The following SRPX variants were observed in gnomAD, a reference collection of about 807,000 sequenced individuals.
SRPX encodes sushi repeat-containing protein SRPX.
Under a neutral mutation model 38.1 loss-of-function variants are expected in SRPX, and 24 were observed. The observed-to-expected ratio is 0.63, with a 90% CI of 0.46 to 0.89. The LOEUF is 0.89. SRPX is among the 40% of genes least tolerant of loss of function. The probability of loss-of-function intolerance (pLI) is 0.00; values close to 1 mark genes in which losing one functional copy is unlikely to be tolerated. For synonymous variants in SRPX, 184 were observed against 153.8 expected, an observed-to-expected ratio of 1.20 and a Z score of -1.45; for missense variants, 416 against 377.8, an observed-to-expected ratio of 1.10 and a Z score of -0.84.
intron 1 of SRPX, among the ~76,000 whole-genome samples, chrX:38,206,939 A>C (rs181578397): frequency 3.1e-3 from 353 of 112,283 alleles, no homozygotes; most frequent in African/African-American, 0.011. Flanking sequence ...TCCCTGCCAG[A>C]CATGAGCTCT....
At position 38,171,983 on chromosome X, in the gene SRPX, G is replaced by A. The variant is rs746029665; in HGVS notation, c.424C>T (p.Arg142Trp). Residue 142 changes from arginine (R) to tryptophan (W), a missense_variant, in exon 4 of 10, where the codon CGG (arginine) becomes TGG (tryptophan). Physicochemically the swap from Arg to Trp is moderately radical, Grantham distance 101. Coordinates refer to ENST00000378533, the MANE Select transcript of SRPX (RefSeq NM_006307.5). ...CCTGGTGAACAATAATACTCACACCGGGAGTTAAAGTAGGCACCATCTACA... is the reference window on the plus strand; with the variant it reads ...CCTGGTGAACAATAATACTCACACCAGGAGTTAAAGTAGGCACCATCTACA... ...KCVDGAYFNSRCEYYCSPGYT... is the reference protein window; with the variant it reads ...KCVDGAYFNSWCEYYCSPGYT... 6.6e-5 allele frequency: 80 copies of A among 1,207,591 alleles called. No homozygotes were observed. The East Asian group carries it at 8.9e-4, about 13-fold the overall frequency.
Position 38,175,440 on chromosome X carries a change from C to CAACA in SRPX, c.158-1093_158-1090dup, listed in dbSNP as rs1385756698. 2.7e-5 allele frequency among the ~76,000 whole-genome samples: 3 copies of CAACA among 112,275 alleles called. No individual in the cohort carries two copies. The Admixed American group carries it at 2.8e-4, about 11-fold the overall frequency. ...CCAACTGCTTCTCAGTTACAAAAAC[C>CAACA]AACAGTTCTGGCCACGTCTTATGCA... is the stretch of plus-strand genomic sequence containing the variant. On this transcript the variant is annotated intron_variant, in intron 2 of 9. Transcript: ENST00000378533.
In SRPX at chrX:38,174,494, C is replaced by T. The variant is rs139407762; in HGVS notation, c.158-143G>A. 189 of 375,799 alleles carry T rather than the reference C, an allele frequency of 5.0e-4. 2 individuals carry two copies. Among genetic ancestry groups the T allele is most frequent in the African/African-American group, 4.3e-3 (162 of 37,774 alleles). 31.0% of individuals were successfully genotyped at this position (375,799 alleles called of 1,213,427 possible). ...TGCCCCATGTTTTCTTAGGTGTCTC[C>T]GGGTAGGGAGGTTATGATCATGGGA... On this transcript the variant is annotated intron_variant, in intron 2 of 9. Transcript: ENST00000378533.
intron 1 of SRPX, among the ~76,000 whole-genome samples, chrX:38,188,990 G>A (rs139195108): frequency 0.011 from 1,251 of 111,737 alleles, 9 homozygotes; most frequent in Middle Eastern, 0.028. Flanking sequence ...GGGATCGGTG[G>A]TAGAAGTCTA....
At chrX:38,220,569 A>C in intron 1 of SRPX, 127 bp downstream of exon 1, 1 of 1,021,201 alleles carries the variant, frequency 9.8e-7, no homozygotes, top group Non-Finnish European at 1.3e-6. Context: ...TCGGGCTGCG[A>C]AAGAGGAGTT....
chrX:38,216,289 T>C (rs1939420911), intron 1 of SRPX, among the ~76,000 whole-genome samples: 1 of 112,527 alleles, frequency 8.9e-6, no homozygotes, highest in South Asian at 3.7e-4. Flanking sequence ...ACTATGTCTC[T>C]ATTTCCCCAC....
intron 1 of SRPX, among the ~76,000 whole-genome samples, chrX:38,218,363 C>T (rs73469688): frequency 4.4e-5 from 5 of 112,555 alleles, no homozygotes; most frequent in African/African-American, 1.6e-4. Flanking sequence ...CAAACACAGT[C>T]AAACACAAAC....
At chrX:38,204,803 A>G (rs1296918652) in intron 1 of SRPX, among the ~76,000 whole-genome samples, 2 of 112,659 alleles carry the variant, frequency 1.8e-5, no homozygotes, top group African/African-American at 6.4e-5. Context: ...TTGCTTACAA[A>G]TGAATTCAAA....
intron 2 of SRPX, among the ~76,000 whole-genome samples, chrX:38,176,500 T>TA (rs1354909174): frequency 8.9e-6 from 1 of 112,123 alleles, no homozygotes; most frequent in African/African-American, 3.2e-5. Context: ...CTTTTAAAAT[T>TA]AAAAAAACTT....
chrX:38,216,218 C>G (rs1183868856), intron 1 of SRPX, among the ~76,000 whole-genome samples: 1 of 112,052 alleles, frequency 8.9e-6, no homozygotes, highest in Admixed American at 9.5e-5. Flanking sequence ...CCACATAGCT[C>G]CTCTCTGTGC....
intron 2 of SRPX, 84 bp downstream of exon 2, chrX:38,178,201 T>G: frequency 1.4e-6 from 1 of 737,477 alleles, no homozygotes; most frequent in Non-Finnish European, 2.1e-6. Flanking sequence ...TCTGGTCACT[T>G]TATTACAATC....
rs764257772 is a variant in SRPX at position 38,154,507 on chromosome X, C to A, written c.1166G>T (p.Arg389Met). Residue 389 changes from arginine (R) to methionine (M), a missense_variant, in exon 9 of 10, where the codon AGG becomes ATG. By Grantham distance (91) the Arg-to-Met change is moderately conservative (BLOSUM62 -1). Transcript: ENST00000378533. ...TGGAGGCATAATCTTTGCTCCTATC[C>A]TGCCAATGAGAGTCGGGAACACACC... ...LVGVFPTLIG[R>M]IGAKIMPPAL... 7.5e-6 allele frequency: 9 copies of A among 1,205,321 alleles called. No individual in the cohort carries two copies. Among genetic ancestry groups the A allele is most frequent in the Non-Finnish European group, 1.0e-5 (9 of 892,946 alleles).
chrX:38,168,067 A>G (rs779297203), intron 4 of SRPX, among the ~76,000 whole-genome samples: 1 of 112,323 alleles, frequency 8.9e-6, no homozygotes, highest in East Asian at 2.8e-4. Flanking sequence ...GTGAGCCACC[A>G]GCACCCAGCT....
At chrX:38,193,946 C>A (rs1318675279) in intron 1 of SRPX, among the ~76,000 whole-genome samples, 1 of 111,839 alleles carries the variant, frequency 8.9e-6, no homozygotes, top group Admixed American at 9.5e-5. Flanking sequence ...AAAGCAGGAT[C>A]CTGATTAGGT....
At chrX:38,176,076 TAAC>T (rs1055873548) in intron 2 of SRPX, among the ~76,000 whole-genome samples, 1 of 111,314 alleles carries the variant, frequency 9.0e-6, no homozygotes, top group Non-Finnish European at 1.9e-5. Context: ...GATAAAAGAT[TAAC>T]AACAACTAAT....
intron 1 of SRPX, among the ~76,000 whole-genome samples, chrX:38,183,371 A>G (rs1938708033): frequency 8.9e-6 from 1 of 112,185 alleles, no homozygotes; most frequent in South Asian, 3.7e-4. Context: ...GTGTTTTTTA[A>G]GTGAAAAGAA....
intron 4 of SRPX, among the ~76,000 whole-genome samples, chrX:38,169,330 A>T (rs1220465118): frequency 8.9e-6 from 1 of 111,811 alleles, no homozygotes. Context: ...GCCCAGCAAT[A>T]ATGCAATGAT....
intron 1 of SRPX, among the ~76,000 whole-genome samples, chrX:38,198,327 A>T (rs1488208267): frequency 8.9e-6 from 1 of 112,070 alleles, no homozygotes; most frequent in Non-Finnish European, 1.9e-5. Flanking sequence ...GCTGTAAAAG[A>T]AATGTGGGGA....
chrX:38,174,106 A>C (rs1398208320), intron 3 of SRPX, 54 bp downstream of exon 3: 6 of 955,747 alleles, frequency 6.3e-6, no homozygotes, highest in African/African-American at 2.0e-5. Context: ...TCAGAGCAAA[A>C]GAACTTTGGC....
Sources: gnomAD v4.1 joint callset for allele counts (sites outside exome capture counted in the v4.1 genomes callset) on GRCh38, gnomAD v4.1.1 for gene constraint, MANE v1.5 for transcripts, NCBI Gene and HGNC (gene_info 2026-07-23, HGNC 2026-07-21) for gene names.